Variants in PTPRN2 observed in about 807,000 individuals in gnomAD.
PTPRN2 encodes the protein protein tyrosine phosphatase receptor type N2.
A neutral mutation model predicts 118.8 loss-of-function variants in PTPRN2; 74 were observed. That is an observed-to-expected ratio of 0.62 (90% CI 0.52 to 0.76). PTPRN2 has a LOEUF of 0.76. Among genes scored for constraint, PTPRN2 ranks in the 30% least tolerant of loss-of-function variants. PTPRN2 has a pLI of 0.00. For synonymous variants in PTPRN2, 641 were observed against 608.0 expected, an observed-to-expected ratio of 1.05 and a Z score of -0.80; for missense variants, 1,481 against 1,394.4, an observed-to-expected ratio of 1.06 and a Z score of -0.99.
intron 1 of PTPRN2, among the ~76,000 whole-genome samples, chr7:158,552,879 C>A (rs1054767561): frequency 6.6e-6 from 1 of 152,196 alleles, no homozygotes; most frequent in South Asian, 2.1e-4. Context: ...TGGACACTAT[C>A]CTCCGTGTCT....
chr7:157,634,110 C>T (rs1804145073), intron 14 of PTPRN2, among the ~76,000 whole-genome samples: 1 of 152,076 alleles, frequency 6.6e-6, no homozygotes, highest in South Asian at 2.1e-4. Flanking sequence ...TTCCCGTCTG[C>T]TCATCTGACC....
At chr7:158,422,273 G>C (rs1282623308) in intron 2 of PTPRN2, among the ~76,000 whole-genome samples, 4 of 152,164 alleles carry the variant, frequency 2.6e-5, no homozygotes, top group Non-Finnish European at 5.9e-5. Flanking sequence ...AACAGCAAAA[G>C]ACAGCATCCA....
intron 1 of PTPRN2, among the ~76,000 whole-genome samples, chr7:158,507,874 G>T (rs1428618679): frequency 6.7e-6 from 1 of 148,554 alleles, no homozygotes; most frequent in Non-Finnish European, 1.5e-5. Flanking sequence ...GCGCTGCAGT[G>T]TGCAGGAGAC....
intron 2 of PTPRN2, among the ~76,000 whole-genome samples, chr7:158,333,753 G>A (rs1246135379): frequency 1.5e-5 from 2 of 137,922 alleles, no homozygotes; most frequent in Non-Finnish European, 3.1e-5. Context: ...CTCACCATAA[G>A]AGCTGACACC....
At chr7:158,489,653 C>T in intron 2 of PTPRN2, 82 bp downstream of exon 2, 8 of 1,404,224 alleles carry the variant, frequency 5.7e-6, no homozygotes, top group South Asian at 5.5e-5. Flanking sequence ...AGGCCAGCGG[C>T]GGGGCTCACC....
At chr7:158,338,358 T>G (rs1258858103) in intron 2 of PTPRN2, among the ~76,000 whole-genome samples, 1 of 9,408 alleles carries the variant, frequency 1.1e-4, no homozygotes, top group African/African-American at 3.1e-4. Flanking sequence ...ATCCACACTC[T>G]CACCATAAGA....
intron 11 of PTPRN2, among the ~76,000 whole-genome samples, chr7:157,976,107 C>T (rs1203769541): frequency 6.6e-6 from 1 of 152,238 alleles, no homozygotes; most frequent in African/African-American, 2.4e-5. Flanking sequence ...CAAAAGCCAC[C>T]CCAGCTCAGA....
chr7:158,382,617 C>G (rs2151349462), intron 2 of PTPRN2, among the ~76,000 whole-genome samples: 1 of 152,274 alleles, frequency 6.6e-6, no homozygotes, highest in South Asian at 2.1e-4. Context: ...CTGAGTTCTG[C>G]TGCCTGTCAG....
intron 3 of PTPRN2, among the ~76,000 whole-genome samples, chr7:158,236,230 G>A (rs891376049): frequency 3.3e-5 from 5 of 152,196 alleles, no homozygotes; most frequent in Admixed American, 6.5e-5. Context: ...TTGGCTAAAT[G>A]AAGATGCTGC....
chr7:158,478,118 G>A (rs530532897), intron 2 of PTPRN2, among the ~76,000 whole-genome samples: 31 of 152,348 alleles, frequency 2.0e-4, no homozygotes, highest in African/African-American at 6.3e-4. Context: ...GGACAGGCAC[G>A]GCGGCAAAGA....
intron 12 of PTPRN2, among the ~76,000 whole-genome samples, chr7:157,776,347 TTCTC>T (rs1563096403): frequency 2.7e-4 from 18 of 66,132 alleles, no homozygotes; most frequent in African/African-American, 1.2e-3. Context: ...CTCCTCCTCC[TTCTC>T]CTCTTCCTCC....
chr7:157,644,814 A>AC (rs1351947499), intron 14 of PTPRN2, among the ~76,000 whole-genome samples: 11 of 135,418 alleles, frequency 8.1e-5, no homozygotes, highest in East Asian at 4.5e-4. Flanking sequence ...AAAAAAAAAA[A>AC]ACAAAAAACA....
intron 3 of PTPRN2, among the ~76,000 whole-genome samples, chr7:158,239,320 A>G (rs1458203792): frequency 2.6e-5 from 4 of 152,180 alleles, no homozygotes; most frequent in Non-Finnish European, 5.9e-5. Context: ...AGCTCTAACC[A>G]AGACTCTCAG....
chr7:157,576,503 G>A (rs947815348), intron 19 of PTPRN2, 110 bp downstream of exon 19: 7 of 1,188,770 alleles, frequency 5.9e-6, no homozygotes, highest in African/African-American at 3.2e-5. Flanking sequence ...CTGCGGCGCC[G>A]ACACAGACGC....
intron 12 of PTPRN2, among the ~76,000 whole-genome samples, chr7:157,799,888 GCCGGCCCC>G (rs1316059437): frequency 1.7e-4 from 23 of 139,330 alleles, no homozygotes; most frequent in African/African-American, 6.1e-4. Context: ...AGGCACCACA[GCCGGCCCC>G]CTCCATCCCT....
chr7:158,149,256 C>T (rs976674894), intron 6 of PTPRN2, among the ~76,000 whole-genome samples: 15 of 152,008 alleles, frequency 9.9e-5, no homozygotes, highest in African/African-American at 1.5e-4. Flanking sequence ...GTACAGGGAA[C>T]CCAATTTCCA....
At chr7:158,359,486 C>G (rs1192572468) in intron 2 of PTPRN2, among the ~76,000 whole-genome samples, 1 of 152,136 alleles carries the variant, frequency 6.6e-6, no homozygotes, top group Non-Finnish European at 1.5e-5. Flanking sequence ...GGACTGCTCC[C>G]AGGTCAACAC....
chr7:158,253,356 C>T (rs777306142), intron 3 of PTPRN2, among the ~76,000 whole-genome samples: 29 of 152,338 alleles, frequency 1.9e-4, no homozygotes, highest in Non-Finnish European at 2.9e-4. Flanking sequence ...ATTAAATACA[C>T]TTTCGCGTGT....
intron 2 of PTPRN2, among the ~76,000 whole-genome samples, chr7:158,387,918 T>C (rs1228359704): frequency 6.6e-6 from 1 of 152,162 alleles, no homozygotes; most frequent in East Asian, 1.9e-4. Context: ...GGTGAGCTAA[T>C]GCCTTGAAAT....
Sources: allele counts gnomAD v4.1 joint callset (sites outside exome capture counted in the v4.1 genomes callset), GRCh38; gene constraint gnomAD v4.1.1; transcripts MANE v1.5; gene names NCBI Gene and HGNC (gene_info 2026-07-23, HGNC 2026-07-21).